The following CCT5 variants were observed in gnomAD, a reference collection of about 807,000 sequenced individuals.
CCT5 encodes the protein chaperonin containing TCP1 subunit 5, also known as T-complex protein 1 subunit epsilon.
In CCT5, 6 loss-of-function variants were observed where a neutral mutation model predicts 55.0. The observed-to-expected ratio is 0.11, with a 90% CI of 0.06 to 0.22. The LOEUF (loss-of-function observed/expected upper bound fraction) is 0.22, where lower values mean the gene tolerates loss of function less well. CCT5 is among the 10% of genes least tolerant of loss of function. The pLI, the probability that CCT5 is intolerant of heterozygous loss-of-function variation, is 1.00. For missense variants in CCT5, 560 were observed against 694.6 expected (o/e 0.81, Z 2.18); for synonymous variants, 231 against 243.7 (o/e 0.95, Z 0.49).
chr5:10,251,764 A>T (rs1213503900), intron 1 of CCT5, among the ~76,000 whole-genome samples: 2 of 152,190 alleles, frequency 1.3e-5, no homozygotes, highest in Admixed American at 1.3e-4. Flanking sequence ...AGAAAGAAAA[A>T]GTTTCAAGCT....
At chr5:10,259,449 A>G (rs1320566971) in intron 6 of CCT5, among the ~76,000 whole-genome samples, 1 of 152,198 alleles carries the variant, frequency 6.6e-6, no homozygotes, top group East Asian at 1.9e-4. Flanking sequence ...CCTACGACAT[A>G]CCAGGCTCTG....
intron 1 of CCT5, among the ~76,000 whole-genome samples, chr5:10,251,311 A>C (rs189812937): frequency 1.3e-5 from 2 of 152,212 alleles, no homozygotes; most frequent in African/African-American, 4.8e-5. Context: ...GTAGAGCTGC[A>C]CTTCAGGCAG....
chr5:10,263,043 T>C (rs1432356496), intron 9 of CCT5, 91 bp from the exon 10 acceptor site: 51 of 1,075,064 alleles, frequency 4.7e-5, no homozygotes, highest in Non-Finnish European at 6.6e-5. Flanking sequence ...GAGCTGACTT[T>C]TCAAAGTATG....
chr5:10,256,376 T>A (rs1309318738), intron 4 of CCT5, among the ~76,000 whole-genome samples: 3 of 152,360 alleles, frequency 2.0e-5, no homozygotes, highest in Middle Eastern at 3.4e-3. Context: ...CCCTTGACAA[T>A]ATTTGCAAAA....
chr5:10,255,921 T>G, intron 3 of CCT5, 34 bp from the exon 4 acceptor site: 4 of 1,599,082 alleles, frequency 2.5e-6, no homozygotes, highest in Non-Finnish European at 3.4e-6. Flanking sequence ...TTTTGTTGTT[T>G]GCCTGAACTG....
chr5:10,249,990 A>G (rs1456277173), upstream of CCT5: 1 of 1,540,004 alleles, frequency 6.5e-7, no homozygotes, highest in African/African-American at 1.4e-5. Flanking sequence ...ATAAAGAAAT[A>G]GTGCTTTAAG....
At position 10,260,813 on chromosome 5, in the gene CCT5, C is replaced by T. The variant is rs141509761; in HGVS notation, c.895C>T (p.Leu299=). ...IQQIKETGAN[L]AICQWGFDDE... is the part of the protein sequence containing the mutation. ...CCAGATTAAAGAGACTGGTGCTAAC[C>T]TAGCAATTTGTCAGTGGGGCTTTGA... Residue 299 remains leucine, a synonymous_variant, in exon 7 of 11, where the codon CTA becomes TTA. Coordinates refer to ENST00000280326, the MANE Select transcript of CCT5 (RefSeq NM_012073.5). 6.2e-7 allele frequency: 1 copy of T among 1,613,934 alleles called. No individual in the cohort carries two copies. Among genetic ancestry groups the T allele is most frequent in the South Asian group, 1.1e-5 (1 of 91,082 alleles).
At chr5:10,251,198 A>T (rs1265696236) in intron 1 of CCT5, among the ~76,000 whole-genome samples, 3 of 152,220 alleles carry the variant, frequency 2.0e-5, no homozygotes, top group African/African-American at 7.2e-5. Context: ...TTAACTTACA[A>T]TAGTTCCCGA....
chr5:10,254,129 C>T lies in CCT5; in HGVS notation c.106-16C>T. On this transcript the variant is annotated splice_polypyrimidine_tract_variant and intron_variant, in intron 1 of 10. Coordinates refer to ENST00000280326, the MANE Select transcript of CCT5 (RefSeq NM_012073.5). ...TTATATGTAACAGTGTTTGCTTTTT[C>T]TGTTTGTTTCATTAGTCTCATATAA... is the stretch of plus-strand genomic sequence containing the variant. 3 of 1,581,580 alleles carry T rather than the reference C, an allele frequency of 1.9e-6. No individual in the cohort carries two copies. The highest frequency in any genetic ancestry group is 2.6e-6 in the Non-Finnish European group (3 of 1,150,884).
Position 10,263,303 on chromosome 5 carries a change from A to C in CCT5, c.1487A>C (p.Lys496Thr). The part of the protein sequence containing the change: ...NPALGIDCLH[K>T]GTNDMKQQHV... ...GCTCTTGGCATCGACTGTTTGCACA[A>C]GGGGACAAATGGTGAGGAGCTGTCA... is the stretch of plus-strand genomic sequence containing the variant. The change falls in exon 10 of 11, where the codon AAG (lysine) becomes ACG (threonine). Residue 496 changes from lysine (K) to threonine (T), a missense_variant. By Grantham distance (78) the Lys-to-Thr change is moderately conservative (BLOSUM62 -1). This residue lies in a region of CCT5 where 115 missense variants were observed against 105.0 expected (regional missense o/e 1.10). Transcript: ENST00000280326. 1.2e-6 allele frequency: 2 copies of C among 1,606,936 alleles called. No individual in the cohort carries two copies. Among genetic ancestry groups the C allele is most frequent in the Non-Finnish European group, 1.7e-6 (2 of 1,177,124 alleles).
At chr5:10,250,121 ACCT>A (rs946606653), upstream of CCT5, 181 of 1,534,198 alleles carry the variant, frequency 1.2e-4, 1 homozygote, top group African/African-American at 2.2e-3. Flanking sequence ...GTGTCTTCAA[ACCT>A]CCCCCTCCCC....
chr5:10,254,608 T>C (rs1273569110), intron 2 of CCT5, 66 bp from the exon 3 acceptor site: 10 of 1,390,490 alleles, frequency 7.2e-6, no homozygotes, highest in Admixed American at 6.7e-5. Context: ...CAGGAGGTCT[T>C]GTTTTATAGT....
chr5:10,260,544 A>T (rs952628508), intron 6 of CCT5, among the ~76,000 whole-genome samples: 3 of 152,024 alleles, frequency 2.0e-5, no homozygotes, highest in Non-Finnish European at 4.4e-5. Context: ...AGGGTTCAGC[A>T]GAATTACTGC....
In CCT5 at chr5:10,261,649, G is replaced by T. The variant is rs772476426; in HGVS notation, c.1083G>T (p.Glu361Asp). The T allele has an allele frequency of 6.2e-7, 1 of 1,614,198 alleles. No individual in the cohort carries two copies. Among genetic ancestry groups the T allele is most frequent in the South Asian group, 1.1e-5 (1 of 91,084 alleles). Residue 361 changes from glutamate (E) to aspartate (D), a missense_variant, in exon 8 of 11, where the codon GAG becomes GAT. Physicochemically the swap from Glu to Asp is conservative, Grantham distance 45. This residue lies in a region of CCT5 where 256 missense variants were observed against 372.4 expected (regional missense o/e 0.69). Transcript: ENST00000280326. ...TGGGCTTTGCTGGTCTTGTACAGGA[G>T]ATCTCATTTGGGACAACTAAGGATA... is the stretch of plus-strand genomic sequence containing the variant. ...EKLGFAGLVQ[E>D]ISFGTTKDKM... is the part of the protein sequence containing the mutation.
At chr5:10,251,559 G>C (rs1469972875) in intron 1 of CCT5, among the ~76,000 whole-genome samples, 1 of 152,180 alleles carries the variant, frequency 6.6e-6, no homozygotes, top group Non-Finnish European at 1.5e-5. Flanking sequence ...CGCAAAGTTA[G>C]AAACAATACA....
intron 1 of CCT5, among the ~76,000 whole-genome samples, chr5:10,251,410 C>T (rs926213182): frequency 6.6e-6 from 1 of 152,102 alleles, no homozygotes; most frequent in African/African-American, 2.4e-5. Flanking sequence ...CATCTGAGCA[C>T]CAGACGTTGA....
rs969078142 is a variant in CCT5, at chr5:10,265,804, G to C, written c.*1021G>C. ...TTATTTGCTTGTTAATGATTCTCTA[G>C]ATTTTCTAAAATAATGTTTCTTAGC... On this transcript the variant is annotated 3_prime_UTR_variant, in exon 11 of 11. Transcript: ENST00000280326. 1 of 152,148 alleles carries C rather than the reference G, an allele frequency of 6.6e-6. No homozygotes were observed. Among genetic ancestry groups the C allele is most frequent in the Admixed American group, 6.5e-5 (1 of 15,290 alleles). 9.4% of individuals were successfully genotyped at this position (152,148 alleles called of 1,614,324 possible).
intron 2 of CCT5, 156 bp from the exon 3 acceptor site, chr5:10,254,518 T>TAA (rs768274657): frequency 5.7e-6 from 4 of 707,670 alleles, no homozygotes; most frequent in Non-Finnish European, 1.0e-5. Flanking sequence ...TTAGCCAATC[T>TAA]AAAAATGCCT....
At chr5:10,258,070 T>G (rs749838217) in intron 4 of CCT5, 41 bp from the exon 5 acceptor site, 2 of 1,598,436 alleles carry the variant, frequency 1.3e-6, no homozygotes, top group Admixed American at 1.7e-5. Flanking sequence ...GTTGCAGTAA[T>G]TGTGAAACCA....
Sources: allele counts gnomAD v4.1 joint callset (sites outside exome capture counted in the v4.1 genomes callset), GRCh38; gene constraint gnomAD v4.1.1; regional missense constraint gnomAD v4.1.1; transcripts MANE v1.5; gene names NCBI Gene and HGNC (gene_info 2026-07-23, HGNC 2026-07-21).